NOS1: variants seen among roughly 807,000 people sequenced by gnomAD.
NOS1 encodes the protein NOS type I.
NOS1 carries 51 observed loss-of-function variants against 164.5 expected under a neutral mutation model. The observed-to-expected ratio is 0.31, with a 90% confidence interval of 0.25 to 0.39. The LOEUF is 0.39. Among genes scored for constraint, NOS1 ranks in the 10% least tolerant of loss-of-function variants. The pLI, the probability that NOS1 is intolerant of heterozygous loss-of-function variation, is 1.00. For synonymous variants in NOS1, 719 were observed against 745.8 expected, an observed-to-expected ratio of 0.96 and a Z score of 0.59; for missense variants, 1,362 against 1,885.6, an observed-to-expected ratio of 0.72 and a Z score of 5.14.
At chr12:117,229,667 C>A (rs1869037217) in intron 22 of NOS1, among the ~76,000 whole-genome samples, 1 of 151,056 alleles carries the variant, frequency 6.6e-6, no homozygotes, top group Admixed American at 6.6e-5. Flanking sequence ...CGGCTCACTG[C>A]AACCTCCGTC....
intron 8 of NOS1, 56 bp downstream of exon 8, chr12:117,280,669 G>A: frequency 1.4e-6 from 2 of 1,435,794 alleles, no homozygotes; most frequent in Non-Finnish European, 1.8e-6. Flanking sequence ...AAAGTCTGTG[G>A]TCTGGGGACA....
At chr12:117,246,821 T>C (rs562765241) in intron 18 of NOS1, among the ~76,000 whole-genome samples, 26 of 152,368 alleles carry the variant, frequency 1.7e-4, no homozygotes, top group Admixed American at 2.0e-4. Context: ...TTCTTTTTTA[T>C]GGATGAAGAA....
rs142651619 is a variant in NOS1, at chr12:117,224,756, C to T, written c.3826+260G>A. On this transcript the variant is annotated intron_variant, in intron 25 of 28. Transcript: ENST00000317775. ...ACTAATGCCTATCTTTTCCAGGCTA[C>T]TGGATTTTTTTTGAAGAGATCACAT... Among the ~76,000 whole-genome samples, 221 of 152,328 alleles carry T rather than the reference C, an allele frequency of 1.5e-3. 1 individual carries two copies. Among genetic ancestry groups the T allele is most frequent in the African/African-American group, 5.1e-3 (212 of 41,582 alleles).
chr12:117,333,610 T>C (rs1389594390), intron 1 of NOS1, among the ~76,000 whole-genome samples: 4 of 152,164 alleles, frequency 2.6e-5, no homozygotes, highest in Non-Finnish European at 5.9e-5. Flanking sequence ...TCAGCCCCTC[T>C]GTGTGGGTGA....
chr12:117,344,772 C>T (rs1876265560), intron 1 of NOS1, among the ~76,000 whole-genome samples: 1 of 152,178 alleles, frequency 6.6e-6, no homozygotes, highest in African/African-American at 2.4e-5. Context: ...ATTGTGTGCA[C>T]AACTTTTGTG....
intron 3 of NOS1, chr12:117,309,189 T>C (rs936453009): frequency 5.4e-6 from 1 of 183,624 alleles, no homozygotes; most frequent in Non-Finnish European, 1.0e-5. Context: ...AGTTTCCTAA[T>C]GCTTCAGTGT....
chr12:117,359,834 C>T (rs1450897653), intron 1 of NOS1, among the ~76,000 whole-genome samples: 2 of 131,716 alleles, frequency 1.5e-5, no homozygotes, highest in Non-Finnish European at 3.2e-5. Context: ...GACCTGCGTG[C>T]GAGTCTCCCA....
intron 1 of NOS1, among the ~76,000 whole-genome samples, chr12:117,341,522 G>A (rs936848878): frequency 2.0e-5 from 3 of 152,158 alleles, no homozygotes; most frequent in East Asian, 1.9e-4. Flanking sequence ...TTCGGCCAAC[G>A]GGAGACCAAT....
intron 1 of NOS1, among the ~76,000 whole-genome samples, chr12:117,339,833 T>C (rs542612896): frequency 2.0e-5 from 3 of 152,244 alleles, no homozygotes; most frequent in Non-Finnish European, 4.4e-5. Flanking sequence ...AGCTTCATCA[T>C]GCATTCATCC....
chr12:117,334,676 T>C (rs1875721303), intron 1 of NOS1, among the ~76,000 whole-genome samples: 1 of 152,202 alleles, frequency 6.6e-6, no homozygotes, highest in Admixed American at 6.5e-5. Context: ...ATTACAGGCG[T>C]GAGCCATTGC....
Position 117,277,806 on chromosome 12 carries a change from CCCAAGCCCGCAGTGAGGACAGGAA to C in NOS1, c.1664+129_1664+152del, listed in dbSNP as rs1019801573. On this transcript the variant is annotated intron_variant, in intron 9 of 28. Transcript: ENST00000317775. ...TTGCTCCTTGAGGGAACTCACTCTG[CCCAAGCCCGCAGTGAGGACAGGAA>C]CCAAGCCCCCCTTTCCCCTTTCAGC... 9.2e-5 allele frequency among the ~76,000 whole-genome samples: 14 copies of C among 152,226 alleles called. No individual in the cohort carries two copies. The South Asian group carries it at 1.0e-3, about 11-fold the overall frequency.
In NOS1 at chr12:117,213,208, T is replaced by C. The variant is rs1956554415; in HGVS notation, c.*2101A>G. ...TGATCAATTTGTCTTTAATGGGGAT[T>C]GGACACAACAGTTTCCTTCCCTGGG... On this transcript the variant is annotated 3_prime_UTR_variant, in exon 29 of 29. Transcript: ENST00000317775. 1.0e-6 allele frequency: 1 copy of C among 985,462 alleles called. No homozygotes were observed. Among genetic ancestry groups the C allele is most frequent in the South Asian group, 4.7e-5 (1 of 21,282 alleles). The allele number at this position is 985,462 out of a possible 1,614,324, so 61.0% of individuals were successfully genotyped here. A position where few individuals can be genotyped will look rare whatever the true frequency, so the allele number is the denominator to read the frequency against.
chr12:117,225,576 G>A (rs1868598321), intron 24 of NOS1, among the ~76,000 whole-genome samples: 1 of 152,044 alleles, frequency 6.6e-6, no homozygotes, highest in Non-Finnish European at 1.5e-5. Flanking sequence ...TGGGTGGCAG[G>A]GGTGGGGTGG....
At chr12:117,331,884 C>T (rs1424671530) in intron 1 of NOS1, among the ~76,000 whole-genome samples, 1 of 152,182 alleles carries the variant, frequency 6.6e-6, no homozygotes, top group East Asian at 1.9e-4. Flanking sequence ...ATTTTCCATC[C>T]ATAGCTCGGG....
At chr12:117,324,054 C>T (rs1875119047) in intron 2 of NOS1, among the ~76,000 whole-genome samples, 1 of 151,992 alleles carries the variant, frequency 6.6e-6, no homozygotes, top group Non-Finnish European at 1.5e-5. Context: ...GGAGTACAGG[C>T]ATGAGCCACC....
Position 117,258,388 on chromosome 12 carries a change from T to C in NOS1, c.2531+9A>G. The stretch of plus-strand genomic sequence containing the variant: ...GTGGCGGGTGACGTCGGAGGGGTCA[T>C]TCACTTACTTCCTTTCTTCCTGCAC... On this transcript the variant is annotated intron_variant, in intron 16 of 28. Transcript: ENST00000317775. 1.2e-6 allele frequency: 2 copies of C among 1,614,134 alleles called. No homozygotes were observed. The highest frequency in any genetic ancestry group is 1.7e-5 in the Admixed American group (1 of 60,006).
chr12:117,237,934 C>G (rs1242228397), intron 20 of NOS1, among the ~76,000 whole-genome samples: 2 of 152,084 alleles, frequency 1.3e-5, no homozygotes, highest in African/African-American at 4.8e-5. Context: ...CTATGTCAGA[C>G]AGGACGGTCA....
rs1555246755 is a variant in NOS1, at chr12:117,214,866, C to CAG, written c.*441_*442dup. On this transcript the variant is annotated 3_prime_UTR_variant, in exon 29 of 29. Transcript: ENST00000317775. ...ACACACACACACACACACACACACA[C>CAG]AGGCACGCACAACCAAAATGTCATC... 2 of 969,676 alleles carry CAG rather than the reference C, an allele frequency of 2.1e-6. No individual in the cohort carries two copies. Among genetic ancestry groups the CAG allele is most frequent in the Non-Finnish European group, 1.2e-6 (1 of 824,842 alleles). 60.1% of individuals were successfully genotyped at this position (969,676 alleles called of 1,614,324 possible). A position where few individuals can be genotyped will look rare whatever the true frequency, so the allele number is the denominator to read the frequency against.
At position 117,356,431 on chromosome 12, in the gene NOS1, C is replaced by T. The variant is rs1876854308; in HGVS notation, c.-421+5081G>A. ...AGAAGTCCTCCCTGATTCCTTCAAC[C>T]ACCTGTCCTGGGTCCTACCACAGCA... On this transcript the variant is annotated intron_variant, in intron 1 of 28. Transcript: ENST00000317775. The surrounding 1 kb of genome is among the most constrained non-coding windows in gnomAD (Gnocchi z 4.2). 6.6e-6 allele frequency among the ~76,000 whole-genome samples: 1 copy of T among 152,188 alleles called. No individual in the cohort carries two copies. The highest frequency in any genetic ancestry group is 1.5e-5 in the Non-Finnish European group (1 of 68,030).
Sources: gnomAD v4.1 joint callset for allele counts (sites outside exome capture counted in the v4.1 genomes callset) on GRCh38, gnomAD v4.1.1 for gene constraint, Gnocchi (gnomAD v3.1) non-coding constraint, MANE v1.5 for transcripts, NCBI Gene and HGNC (gene_info 2026-07-23, HGNC 2026-07-21) for gene names.